OPCML: variants seen among roughly 807,000 people sequenced by gnomAD.
OPCML encodes opioid-binding protein/cell adhesion molecule.
In OPCML, 13 loss-of-function variants were observed where a neutral mutation model predicts 37.8. The ratio of observed to expected loss-of-function variants is 0.34; its 90% CI spans 0.22 to 0.55. The LOEUF is 0.55. OPCML is among the 20% of genes least tolerant of loss of function. The pLI is 0.91. For missense variants in OPCML, 341 were observed against 435.6 expected, an observed-to-expected ratio of 0.78 and a Z score of 1.93; for synonymous variants, 176 against 168.8, an observed-to-expected ratio of 1.04 and a Z score of -0.33.
chr11:133,095,169 TA>T (rs1948979796), intron 1 of OPCML, among the ~76,000 whole-genome samples: 1 of 151,304 alleles, frequency 6.6e-6, no homozygotes, highest in South Asian at 2.1e-4. Flanking sequence ...CAACATACAA[TA>T]AATTGTATGC....
chr11:132,556,473 C>A (rs73036805), intron 3 of OPCML, among the ~76,000 whole-genome samples: 41,791 of 151,892 alleles, frequency 0.28, 7,669 homozygotes, highest in East Asian at 0.63. Flanking sequence ...ACTTCCTCAT[C>A]CTACAAATGA....
chr11:133,481,339 G>A (rs1381063031), intron 1 of OPCML, among the ~76,000 whole-genome samples: 1 of 152,000 alleles, frequency 6.6e-6, no homozygotes, highest in Non-Finnish European at 1.5e-5. Flanking sequence ...GTCAAGCCCA[G>A]AAAAGGGAAA....
At chr11:133,378,898 T>A (rs1944871549) in intron 1 of OPCML, among the ~76,000 whole-genome samples, 1 of 151,974 alleles carries the variant, frequency 6.6e-6, no homozygotes, top group Non-Finnish European at 1.5e-5. Context: ...CACACCATCA[T>A]GCCCATCTAA....
chr11:133,433,251 CA>C (rs71477795), intron 1 of OPCML, among the ~76,000 whole-genome samples: 2,371 of 90,704 alleles, frequency 0.026, 93 homozygotes, highest in Admixed American at 0.075. Context: ...GACTCCGTCT[CA>C]AAAAAAAAAA....
intron 1 of OPCML, among the ~76,000 whole-genome samples, chr11:132,985,384 T>G (rs1946666667): frequency 6.6e-6 from 1 of 152,208 alleles, no homozygotes; most frequent in African/African-American, 2.4e-5. Flanking sequence ...GTTCCCATTT[T>G]CTTACTGGTT....
intron 1 of OPCML, among the ~76,000 whole-genome samples, chr11:133,172,695 C>CT (rs937093747): frequency 5.9e-5 from 9 of 152,148 alleles, no homozygotes; most frequent in Admixed American, 5.9e-4. Context: ...AAACTCAGTC[C>CT]TTTTTTTAAT....
At chr11:132,510,889 A>G (rs1427950081) in intron 4 of OPCML, among the ~76,000 whole-genome samples, 1 of 152,208 alleles carries the variant, frequency 6.6e-6, no homozygotes, top group African/African-American at 2.4e-5. Flanking sequence ...GGAAAAATAA[A>G]GTGTTTTTCC....
At chr11:132,776,867 C>T (rs1250395040) in intron 2 of OPCML, among the ~76,000 whole-genome samples, 1 of 152,118 alleles carries the variant, frequency 6.6e-6, no homozygotes, top group Non-Finnish European at 1.5e-5. Flanking sequence ...TCAGTGCGAG[C>T]AGTTGTTGCT....
At chr11:132,726,792 G>C (rs1256071900) in intron 2 of OPCML, among the ~76,000 whole-genome samples, 2 of 152,132 alleles carry the variant, frequency 1.3e-5, no homozygotes, top group South Asian at 4.1e-4. Flanking sequence ...ATTTGGGCCT[G>C]CTTCTATTAC....
chr11:133,159,514 A>T (rs967947213), intron 1 of OPCML, among the ~76,000 whole-genome samples: 1 of 152,242 alleles, frequency 6.6e-6, no homozygotes, highest in Non-Finnish European at 1.5e-5. Context: ...GAAGACAGGG[A>T]TGCAGTGAAT....
At chr11:132,469,414 C>T (rs1185510130) in intron 4 of OPCML, among the ~76,000 whole-genome samples, 2 of 143,622 alleles carry the variant, frequency 1.4e-5, no homozygotes, top group African/African-American at 5.2e-5. Flanking sequence ...TGTGGGGGTG[C>T]GTGTGTATGT....
At chr11:133,086,731 T>C (rs1207472327) in intron 1 of OPCML, among the ~76,000 whole-genome samples, 2 of 152,160 alleles carry the variant, frequency 1.3e-5, no homozygotes, top group Non-Finnish European at 1.5e-5. Context: ...TTGACCAGTA[T>C]CTCCCCATCC....
chr11:132,484,614 C>G (rs2096193223), intron 4 of OPCML, among the ~76,000 whole-genome samples: 1 of 152,262 alleles, frequency 6.6e-6, no homozygotes, highest in East Asian at 1.9e-4. Flanking sequence ...AAGACACATG[C>G]ACACCTATGT....
intron 1 of OPCML, among the ~76,000 whole-genome samples, chr11:133,354,306 G>GA (rs1944227842): frequency 1.9e-4 from 1 of 5,404 alleles, no homozygotes; most frequent in Non-Finnish European, 4.8e-4. Context: ...TGGTGGTGAC[G>GA]TGTTGGTAGT....
intron 2 of OPCML, among the ~76,000 whole-genome samples, chr11:132,792,533 A>G (rs901195643): frequency 8.5e-5 from 13 of 152,132 alleles, no homozygotes; most frequent in African/African-American, 2.7e-4. Context: ...GGGTGTGGCC[A>G]TTCCTATAAG....
chr11:133,139,174 A>G (rs1484453747), intron 1 of OPCML, among the ~76,000 whole-genome samples: 1 of 152,214 alleles, frequency 6.6e-6, no homozygotes, highest in Non-Finnish European at 1.5e-5. Context: ...ACTAATAATT[A>G]AGCAAAATGT....
intron 2 of OPCML, among the ~76,000 whole-genome samples, chr11:132,733,471 C>T (rs3019866): frequency 0.62 from 93,761 of 151,860 alleles, 29,351 homozygotes; most frequent in Admixed American, 0.66. Context: ...GATCATTCTA[C>T]TTGCTGAGAT....
Position 132,953,572 on chromosome 11 carries a change from C to A in OPCML, c.62-10562G>T, listed in dbSNP as rs538646301. ...AATAACAAAAACCATTATATTGAGA[C>A]CTACAAGCCATAAAATGTGTTTTTT... On this transcript the variant is annotated intron_variant, in intron 1 of 7. Transcript: ENST00000524381. Among the ~76,000 whole-genome samples, 24 of 152,228 alleles carry A rather than the reference C, an allele frequency of 1.6e-4. No individual in the cohort carries two copies. The South Asian group carries it at 3.3e-3, about 21-fold the overall frequency.
intron 3 of OPCML, among the ~76,000 whole-genome samples, chr11:132,572,660 A>G (rs781220655): frequency 2.0e-5 from 3 of 152,056 alleles, no homozygotes; most frequent in Non-Finnish European, 4.4e-5. Context: ...TGGCTTCATA[A>G]AATATTTTGA....
Sources: gnomAD v4.1 joint callset for allele counts (sites outside exome capture counted in the v4.1 genomes callset) on GRCh38, gnomAD v4.1.1 for gene constraint, MANE v1.5 for transcripts, NCBI Gene and HGNC (gene_info 2026-07-23, HGNC 2026-07-21) for gene names.